Variants in PDE1A observed in about 807,000 individuals in gnomAD.
PDE1A encodes the protein dual specificity calcium/calmodulin-dependent 3',5'-cyclic nucleotide phosphodiesterase 1A.
A neutral mutation model predicts 61.7 loss-of-function variants in PDE1A; 35 were observed. That is an observed-to-expected ratio of 0.57 (90% confidence interval 0.43 to 0.75). PDE1A has a LOEUF of 0.75. Ranked by LOEUF, PDE1A falls within the 30% of genes least tolerant of loss-of-function variation. The pLI is 0.00. For missense variants in PDE1A, 597 were observed against 630.6 expected (o/e 0.95, Z 0.57); for synonymous variants, 232 against 213.2 (o/e 1.09, Z -0.77).
At chr2:182,692,673 AT>A in the PDE1A span, among the ~76,000 whole-genome samples, 19 of 147,204 alleles carry the variant, frequency 1.3e-4, no homozygotes, top group African/African-American at 4.7e-4. Context: ...TATAATAAAA[AT>A]ATATATATAT....
chr2:182,640,542 T>C, the PDE1A span, among the ~76,000 whole-genome samples: 1 of 152,076 alleles, frequency 6.6e-6, no homozygotes, highest in Non-Finnish European at 1.5e-5. Flanking sequence ...AATATAAGAG[T>C]AAATACTAAA....
intron 13 of PDE1A, among the ~76,000 whole-genome samples, chr2:182,180,409 G>T (rs1684656003): frequency 6.6e-6 from 1 of 152,030 alleles, no homozygotes; most frequent in Non-Finnish European, 1.5e-5. Context: ...ATTGTATATT[G>T]CCCTCACTCT....
intron 7 of PDE1A, among the ~76,000 whole-genome samples, chr2:182,212,234 T>A: frequency 7.9e-6 from 1 of 127,008 alleles, no homozygotes; most frequent in Non-Finnish European, 1.7e-5. Flanking sequence ...TTGAAACATA[T>A]ATATCTTTCT....
chr2:182,637,908 C>A, the PDE1A span, among the ~76,000 whole-genome samples: 1 of 151,574 alleles, frequency 6.6e-6, no homozygotes, highest in African/African-American at 2.4e-5. Flanking sequence ...GGCAACAGAG[C>A]GAGACTCTGT....
chr2:182,475,256 G>C (rs1359975869), intron 2 of PDE1A, among the ~76,000 whole-genome samples: 2 of 151,906 alleles, frequency 1.3e-5, no homozygotes, highest in Non-Finnish European at 2.9e-5. Flanking sequence ...AAAAGACCAA[G>C]ATGAGTGCCA....
the PDE1A span, chr2:182,716,604 G>C: frequency 7.2e-5 from 11 of 152,456 alleles, no homozygotes; most frequent in Admixed American, 6.5e-4. Flanking sequence ...TTAAGACCTG[G>C]ATATTGTGTT....
chr2:182,253,742 C>T (rs1412425033), intron 2 of PDE1A, among the ~76,000 whole-genome samples: 1 of 152,002 alleles, frequency 6.6e-6, no homozygotes, highest in Non-Finnish European at 1.5e-5. Context: ...AAAAAATGGG[C>T]TCTGTTGGCT....
intron 1 of PDE1A, among the ~76,000 whole-genome samples, chr2:182,410,916 A>G (rs1469418423): frequency 6.6e-6 from 1 of 152,152 alleles, no homozygotes; most frequent in Non-Finnish European, 1.5e-5. Context: ...TTTTCCCTGG[A>G]GCTTCATTTG....
intron 13 of PDE1A, among the ~76,000 whole-genome samples, chr2:182,174,493 T>A (rs1006528836): frequency 6.6e-6 from 1 of 152,046 alleles, no homozygotes; most frequent in Non-Finnish European, 1.5e-5. Flanking sequence ...TGAGAGTCAA[T>A]CAGGGGAGGG....
upstream of PDE1A, among the ~76,000 whole-genome samples, chr2:182,523,538 G>T (rs570113701): frequency 6.6e-6 from 1 of 152,202 alleles, no homozygotes; most frequent in South Asian, 2.1e-4. Context: ...ATTTCTTCTT[G>T]TTTGTTTGAA....
chr2:182,500,090 C>CT, intron 2 of PDE1A, among the ~76,000 whole-genome samples: 1 of 152,218 alleles, frequency 6.6e-6, no homozygotes, highest in Non-Finnish European at 1.5e-5. Flanking sequence ...TTTTGCACTT[C>CT]TTTCGGTGAA....
intron 1 of PDE1A, among the ~76,000 whole-genome samples, chr2:182,371,064 G>A (rs372370088): frequency 7.2e-5 from 11 of 152,108 alleles, no homozygotes; most frequent in African/African-American, 2.7e-4. Context: ...GTATAGGCTA[G>A]GCAGAAAATC....
chr2:182,438,201 CATAAT>C (rs1559463584), intron 2 of PDE1A, among the ~76,000 whole-genome samples: 1 of 151,740 alleles, frequency 6.6e-6, no homozygotes, highest in African/African-American at 2.4e-5. Flanking sequence ...TAAGACCTCT[CATAAT>C]ATGAGCATTT....
chr2:182,706,069 A>G, the PDE1A span, among the ~76,000 whole-genome samples: 1 of 152,240 alleles, frequency 6.6e-6, no homozygotes. Context: ...AGAAGCCTAT[A>G]GTCAAATGTG....
chr2:182,490,463 G>A (rs1688309809), intron 2 of PDE1A, among the ~76,000 whole-genome samples: 1 of 152,148 alleles, frequency 6.6e-6, no homozygotes, highest in Non-Finnish European at 1.5e-5. Context: ...ACTGCCTCCT[G>A]GGTTCACGCC....
intron 1 of PDE1A, among the ~76,000 whole-genome samples, chr2:182,364,480 A>C (rs1476147351): frequency 1.4e-5 from 2 of 144,880 alleles, no homozygotes; most frequent in African/African-American, 2.5e-5. Context: ...AAAAAAAAAA[A>C]AAAAAAAAAA....
At chr2:182,443,700 CTTTT>C (rs1213330952) in intron 2 of PDE1A, among the ~76,000 whole-genome samples, 1 of 134,284 alleles carries the variant, frequency 7.4e-6, no homozygotes, top group African/African-American at 2.8e-5. Context: ...TTCTTTTTTC[CTTTT>C]TTTTTTTTTT....
intron 1 of PDE1A, among the ~76,000 whole-genome samples, chr2:182,390,358 T>C (rs921635486): frequency 1.3e-5 from 2 of 152,060 alleles, no homozygotes; most frequent in African/African-American, 4.8e-5. Flanking sequence ...GTTTAGAGAG[T>C]TATACAAAAT....
chr2:182,371,377 G>A (rs80213948), intron 1 of PDE1A, among the ~76,000 whole-genome samples: 1 of 152,124 alleles, frequency 6.6e-6, no homozygotes, highest in East Asian at 1.9e-4. Flanking sequence ...TTTATAAAAT[G>A]ACTATCAGGT....
Sources: allele counts gnomAD v4.1 joint callset (sites outside exome capture counted in the v4.1 genomes callset), GRCh38; gene constraint gnomAD v4.1.1; transcripts MANE v1.5; gene names NCBI Gene and HGNC (gene_info 2026-07-23, HGNC 2026-07-21).